Variants in PAK5 observed in about 807,000 individuals in gnomAD.
PAK5 encodes the protein p21 (RAC1) activated kinase 5.
In PAK5, 16 loss-of-function variants were observed where a neutral mutation model predicts 65.9. The observed-to-expected ratio is 0.24, with a 90% CI of 0.16 to 0.37. PAK5 has a LOEUF of 0.37. Among genes scored for constraint, PAK5 ranks in the 10% least tolerant of loss-of-function variants. The pLI, the probability that PAK5 is intolerant of heterozygous loss-of-function variation, is 1.00. For missense variants in PAK5, 785 were observed against 903.9 expected (o/e 0.87, Z 1.69); for synonymous variants, 371 against 354.9 (o/e 1.05, Z -0.51).
intron 1 of PAK5, among the ~76,000 whole-genome samples, chr20:9,779,784 A>C (rs532112517): frequency 6.6e-6 from 1 of 152,216 alleles, no homozygotes; most frequent in East Asian, 1.9e-4. Flanking sequence ...ATTTTCTACT[A>C]AAGGCCCTTG....
chr20:9,677,108 G>C (rs1000157416), intron 2 of PAK5, among the ~76,000 whole-genome samples: 2 of 151,234 alleles, frequency 1.3e-5, no homozygotes, highest in Admixed American at 1.3e-4. Context: ...TAATTATTTT[G>C]CATGGAAGAC....
At chr20:9,571,876 G>GT (rs943495120) in intron 4 of PAK5, among the ~76,000 whole-genome samples, 11 of 141,850 alleles carry the variant, frequency 7.8e-5, no homozygotes, top group African/African-American at 2.6e-4. Context: ...ATGAATGATG[G>GT]GGGGGGGGGA....
intron 3 of PAK5, among the ~76,000 whole-genome samples, chr20:9,628,585 G>C (rs989543966): frequency 6.6e-6 from 1 of 152,096 alleles, no homozygotes; most frequent in Non-Finnish European, 1.5e-5. Context: ...TCCCTCACTA[G>C]ACTGTGCACT....
At chr20:9,561,279 C>T (rs6056701) in intron 6 of PAK5, among the ~76,000 whole-genome samples, 1 of 152,048 alleles carries the variant, frequency 6.6e-6, no homozygotes, top group African/African-American at 2.4e-5. Context: ...GGAAAGGAAC[C>T]TTGACAAAGG....
chr20:9,570,901 T>A (rs1462726088), intron 4 of PAK5, among the ~76,000 whole-genome samples: 3 of 152,206 alleles, frequency 2.0e-5, no homozygotes, highest in African/African-American at 2.4e-5. Context: ...AATCCACCCT[T>A]AACAGCTGGC....
intron 3 of PAK5, among the ~76,000 whole-genome samples, chr20:9,625,426 G>A (rs139505132): frequency 0.012 from 1,850 of 152,298 alleles, 13 homozygotes; most frequent in Non-Finnish European, 0.019. Flanking sequence ...GCCATGCTGG[G>A]TAGTCCCCTC....
intron 1 of PAK5, among the ~76,000 whole-genome samples, chr20:9,800,147 C>T (rs1244148178): frequency 1.3e-5 from 2 of 151,950 alleles, no homozygotes; most frequent in African/African-American, 4.8e-5. Context: ...GGCTTCTTAG[C>T]CAAGGTTGAA....
intron 1 of PAK5, among the ~76,000 whole-genome samples, chr20:9,808,794 C>T (rs2049262909): frequency 6.6e-6 from 1 of 152,008 alleles, no homozygotes; most frequent in Non-Finnish European, 1.5e-5. Flanking sequence ...GATGAGAAGG[C>T]TCTAAAATTG....
intron 2 of PAK5, among the ~76,000 whole-genome samples, chr20:9,661,164 C>T (rs1369725609): frequency 6.6e-6 from 1 of 152,076 alleles, no homozygotes; most frequent in Non-Finnish European, 1.5e-5. Flanking sequence ...TGTTTAATTA[C>T]TTAATCTAAA....
At chr20:9,793,476 A>G (rs1256786929) in intron 1 of PAK5, among the ~76,000 whole-genome samples, 1 of 152,138 alleles carries the variant, frequency 6.6e-6, no homozygotes, top group Non-Finnish European at 1.5e-5. Flanking sequence ...AGAGGGAGAA[A>G]AAGACAAGAA....
chr20:9,599,104 A>T (rs2046318592), intron 3 of PAK5, among the ~76,000 whole-genome samples: 2 of 152,172 alleles, frequency 1.3e-5, no homozygotes, highest in African/African-American at 4.8e-5. Context: ...TCCCCATATA[A>T]GTGAAATCAC....
At chr20:9,575,556 A>T in intron 4 of PAK5, 1 of 152,196 alleles carries the variant, frequency 6.6e-6, no homozygotes, top group East Asian at 1.9e-4. Flanking sequence ...CACCTTAGGG[A>T]TTTCTGCACC....
chr20:9,754,269 C>T (rs1396138939), intron 1 of PAK5, among the ~76,000 whole-genome samples: 1 of 152,116 alleles, frequency 6.6e-6, no homozygotes, highest in African/African-American at 2.4e-5. Flanking sequence ...AACTTTAATT[C>T]ACCTTATTGC....
intron 2 of PAK5, among the ~76,000 whole-genome samples, chr20:9,707,971 T>C (rs999629101): frequency 2.0e-5 from 3 of 152,210 alleles, no homozygotes; most frequent in Non-Finnish European, 4.4e-5. Flanking sequence ...TATGGGGCTA[T>C]TTGTTATACA....
intron 2 of PAK5, among the ~76,000 whole-genome samples, chr20:9,699,397 C>A (rs1219589403): frequency 6.6e-6 from 1 of 151,856 alleles, no homozygotes; most frequent in Non-Finnish European, 1.5e-5. Context: ...TACTCATCCC[C>A]CAGGTATGAG....
At chr20:9,576,044 C>G (rs1472570695) in intron 4 of PAK5, among the ~76,000 whole-genome samples, 1 of 152,188 alleles carries the variant, frequency 6.6e-6, no homozygotes, top group Non-Finnish European at 1.5e-5. Flanking sequence ...AACACAGTAA[C>G]CCTCACCTCA....
At chr20:9,693,523 C>T (rs6056804) in intron 2 of PAK5, among the ~76,000 whole-genome samples, 55,887 of 151,526 alleles carry the variant, frequency 0.37, 12,587 homozygotes, top group African/African-American at 0.64. Context: ...TAAGTAATAC[C>T]AATAAAGCCA....
At chr20:9,770,976 A>G (rs561532003) in intron 1 of PAK5, among the ~76,000 whole-genome samples, 1 of 152,330 alleles carries the variant, frequency 6.6e-6, no homozygotes, top group African/African-American at 2.4e-5. Context: ...AAGATTAGAA[A>G]AGGACAGAGG....
intron 4 of PAK5, among the ~76,000 whole-genome samples, chr20:9,572,182 T>C (rs990391308): frequency 6.6e-6 from 1 of 151,952 alleles, no homozygotes; most frequent in Non-Finnish European, 1.5e-5. Flanking sequence ...TCATTCATCA[T>C]TTTCCTTTTT....
Sources: allele counts gnomAD v4.1 joint callset (sites outside exome capture counted in the v4.1 genomes callset), GRCh38; gene constraint gnomAD v4.1.1; transcripts MANE v1.5; gene names NCBI Gene and HGNC (gene_info 2026-07-23, HGNC 2026-07-21).